Variants in GRID2 observed in about 807,000 individuals in gnomAD.
GRID2 encodes glutamate receptor ionotropic, delta-2.
In GRID2, 33 loss-of-function variants were observed where a neutral mutation model predicts 114.8. The ratio of observed to expected loss-of-function variants is 0.29; its 90% confidence interval spans 0.22 to 0.38. GRID2 has a LOEUF of 0.38. Among genes scored for constraint, GRID2 ranks in the 10% least tolerant of loss-of-function variants. The pLI, the probability that GRID2 is intolerant of heterozygous loss-of-function variation, is 1.00. For synonymous variants in GRID2, 505 were observed against 449.9 expected, an observed-to-expected ratio of 1.12 and a Z score of -1.55; for missense variants, 1,184 against 1,257.7, an observed-to-expected ratio of 0.94 and a Z score of 0.89.
intron 2 of GRID2, among the ~76,000 whole-genome samples, chr4:92,743,384 G>A (rs992510192): frequency 6.6e-6 from 1 of 152,026 alleles, no homozygotes; most frequent in African/African-American, 2.4e-5. Context: ...TTGTATATGA[G>A]CAGTCATATA....
At chr4:93,582,228 C>T (rs1560776839) in intron 13 of GRID2, among the ~76,000 whole-genome samples, 1 of 152,100 alleles carries the variant, frequency 6.6e-6, no homozygotes, top group Non-Finnish European at 1.5e-5. Flanking sequence ...GAACTCAAAG[C>T]CTTTTCCTCC....
intron 8 of GRID2, among the ~76,000 whole-genome samples, chr4:93,239,109 C>A (rs1747158491): frequency 6.8e-6 from 1 of 146,906 alleles, no homozygotes. Context: ...TTCGGATTTG[C>A]TATATATAAA....
intron 8 of GRID2, among the ~76,000 whole-genome samples, chr4:93,259,596 C>G (rs949044198): frequency 2.0e-5 from 3 of 151,714 alleles, no homozygotes; most frequent in African/African-American, 7.2e-5. Context: ...TAGCATTGAT[C>G]ATCAGGATTT....
chr4:93,644,371 A>G (rs920882798), intron 14 of GRID2, among the ~76,000 whole-genome samples: 4 of 152,108 alleles, frequency 2.6e-5, no homozygotes, highest in South Asian at 2.1e-4. Flanking sequence ...ATTTTTACCA[A>G]TGTTCCATGA....
intron 4 of GRID2, among the ~76,000 whole-genome samples, chr4:93,156,004 T>A (rs1737150100): frequency 6.6e-6 from 1 of 151,604 alleles, no homozygotes. Flanking sequence ...AAACGATAAA[T>A]GCTCGAGGTG....
At chr4:93,627,065 A>G (rs926031414) in intron 14 of GRID2, among the ~76,000 whole-genome samples, 1 of 152,200 alleles carries the variant, frequency 6.6e-6, no homozygotes, top group Non-Finnish European at 1.5e-5. Flanking sequence ...TATATTTTAG[A>G]TTAACAATGC....
chr4:92,586,012 T>G (rs1728418778), intron 1 of GRID2, among the ~76,000 whole-genome samples: 1 of 148,602 alleles, frequency 6.7e-6, no homozygotes, highest in South Asian at 2.1e-4. Flanking sequence ...AGATTATATC[T>G]ATTTTATAAG....
intron 2 of GRID2, among the ~76,000 whole-genome samples, chr4:92,622,001 C>A (rs1045367746): frequency 1.3e-5 from 2 of 151,614 alleles, no homozygotes; most frequent in Admixed American, 6.6e-5. Context: ...GCTAATAGAA[C>A]AATCATGTTT....
intron 2 of GRID2, among the ~76,000 whole-genome samples, chr4:92,876,984 A>G (rs1229099037): frequency 6.6e-6 from 1 of 152,248 alleles, no homozygotes. Context: ...GTAAAGGAGA[A>G]CATGTTACTT....
chr4:93,304,358 G>T (rs983238311), intron 8 of GRID2, among the ~76,000 whole-genome samples: 1 of 151,178 alleles, frequency 6.6e-6, no homozygotes, highest in Non-Finnish European at 1.5e-5. Context: ...GAATGCAGTG[G>T]AGAGAGAGTT....
At chr4:93,558,151 G>A (rs989431900) in intron 13 of GRID2, among the ~76,000 whole-genome samples, 1 of 152,028 alleles carries the variant, frequency 6.6e-6, no homozygotes, top group African/African-American at 2.4e-5. Context: ...ATCTAAAATC[G>A]ACGCCCTAAC....
At chr4:93,363,095 C>G (rs1038943660) in intron 8 of GRID2, among the ~76,000 whole-genome samples, 1 of 152,044 alleles carries the variant, frequency 6.6e-6, no homozygotes, top group Non-Finnish European at 1.5e-5. Context: ...TGGTGCATGT[C>G]TGTAATCTCA....
intron 13 of GRID2, among the ~76,000 whole-genome samples, chr4:93,521,860 A>G (rs796766349): frequency 2.0e-4 from 30 of 152,306 alleles, no homozygotes; most frequent in African/African-American, 6.0e-4. Flanking sequence ...AGGAGATACT[A>G]TAGCTCTTTT....
chr4:93,028,400 T>A (rs1307936854), intron 2 of GRID2, among the ~76,000 whole-genome samples: 1 of 151,918 alleles, frequency 6.6e-6, no homozygotes, highest in South Asian at 2.1e-4. Context: ...AAACCAACGC[T>A]GCTTGGGAGA....
intron 1 of GRID2, among the ~76,000 whole-genome samples, chr4:92,336,652 G>T (rs1455640224): frequency 6.6e-6 from 1 of 152,112 alleles, no homozygotes; most frequent in African/African-American, 2.4e-5. Context: ...CTTAAAATCT[G>T]TATCTTACTA....
chr4:93,154,545 A>G (rs1579134959), intron 4 of GRID2, among the ~76,000 whole-genome samples: 1 of 152,150 alleles, frequency 6.6e-6, no homozygotes, highest in Admixed American at 6.6e-5. Flanking sequence ...AAAATCATCT[A>G]CTAAGCCTAG....
chr4:93,587,539 C>T (rs1737665631), intron 13 of GRID2, among the ~76,000 whole-genome samples: 1 of 151,996 alleles, frequency 6.6e-6, no homozygotes, highest in African/African-American at 2.4e-5. Flanking sequence ...TATTTTAAAA[C>T]ATGTAATTTC....
intron 1 of GRID2, among the ~76,000 whole-genome samples, chr4:92,385,122 A>C (rs930834903): frequency 3.3e-5 from 5 of 151,846 alleles, no homozygotes; most frequent in African/African-American, 1.2e-4. Flanking sequence ...TAGATGTGTT[A>C]AGTTTCCTGC....
At chr4:92,579,978 ATG>A (rs1351232330) in intron 1 of GRID2, among the ~76,000 whole-genome samples, 1 of 140,824 alleles carries the variant, frequency 7.1e-6, no homozygotes, top group Non-Finnish European at 1.6e-5. Context: ...TATTTTATAT[ATG>A]TATATGTATT....
Sources: gnomAD v4.1 joint callset for allele counts (sites outside exome capture counted in the v4.1 genomes callset) on GRCh38, gnomAD v4.1.1 for gene constraint, MANE v1.5 for transcripts, NCBI Gene and HGNC (gene_info 2026-07-23, HGNC 2026-07-21) for gene names.